ADGRE3: variants seen among roughly 807,000 people sequenced by gnomAD.
The protein encoded by ADGRE3 is EGF-like module receptor 3.
A neutral mutation model predicts 80.1 loss-of-function variants in ADGRE3; 88 were observed. The observed-to-expected ratio is 1.10, with a 90% confidence interval of 0.93 to 1.31. ADGRE3 has a LOEUF of 1.31. Ranked by LOEUF, ADGRE3 falls within the 40% of genes most tolerant of loss-of-function variation. The pLI, the probability that ADGRE3 is intolerant of heterozygous loss-of-function variation, is 0.00. For synonymous variants in ADGRE3, 281 were observed against 294.8 expected (o/e 0.95, Z 0.48); for missense variants, 715 against 776.5 (o/e 0.92, Z 0.94).
At chr19:14,669,249 A>G (rs990862690) in intron 1 of ADGRE3, among the ~76,000 whole-genome samples, 3 of 152,222 alleles carry the variant, frequency 2.0e-5, no homozygotes, top group African/African-American at 7.2e-5. Flanking sequence ...GAATGAAATC[A>G]TGCCCTTAGC....
intron 8 of ADGRE3, among the ~76,000 whole-genome samples, chr19:14,646,337 A>G (rs1384249861): frequency 1.3e-5 from 2 of 152,084 alleles, no homozygotes; most frequent in Non-Finnish European, 2.9e-5. Context: ...TGGCCACTTG[A>G]TCACTTGACC....
At chr19:14,656,015 G>T (rs995382643) in intron 5 of ADGRE3, among the ~76,000 whole-genome samples, 2 of 151,944 alleles carry the variant, frequency 1.3e-5, no homozygotes, top group African/African-American at 4.8e-5. Flanking sequence ...CACACACGAG[G>T]AGTGAGTTTA....
chr19:14,658,225 G>A (rs1971829781), intron 5 of ADGRE3, among the ~76,000 whole-genome samples: 1 of 151,424 alleles, frequency 6.6e-6, no homozygotes, highest in African/African-American at 2.4e-5. Flanking sequence ...TGGTATATCT[G>A]TATCTATCTA....
At chr19:14,608,800 AT>A in the ADGRE3 span, among the ~76,000 whole-genome samples, 358 of 131,326 alleles carry the variant, frequency 2.7e-3, no homozygotes, top group Admixed American at 4.3e-3. Context: ...TGCCTGGCTA[AT>A]TTTTTTTTTT....
At chr19:14,671,309 T>C (rs1170236403) in intron 1 of ADGRE3, among the ~76,000 whole-genome samples, 1 of 152,312 alleles carries the variant, frequency 6.6e-6, no homozygotes, top group Admixed American at 6.5e-5. Flanking sequence ...CTGGTTTCTT[T>C]TGGAAGCTCT....
chr19:14,633,843 C>T (rs1970959679), intron 11 of ADGRE3, among the ~76,000 whole-genome samples: 1 of 133,664 alleles, frequency 7.5e-6, no homozygotes, highest in Non-Finnish European at 1.5e-5. Context: ...GTGGTGCGAT[C>T]TCAGCTCACT....
chr19:14,644,019 G>GTTT (rs61276204), intron 9 of ADGRE3, 89 bp downstream of exon 9: 145 of 673,360 alleles, frequency 2.2e-4, no homozygotes, highest in Middle Eastern at 9.8e-4. Context: ...CCTTTTTTCA[G>GTTT]TTTTTTTTTT....
intron 2 of ADGRE3, among the ~76,000 whole-genome samples, chr19:14,667,447 C>T (rs912458531): frequency 1.3e-5 from 2 of 151,856 alleles, no homozygotes; most frequent in Admixed American, 1.3e-4. Flanking sequence ...ACCCAAATGT[C>T]CATCAGTGAT....
intron 2 of ADGRE3, 72 bp from the exon 3 acceptor site, chr19:14,663,612 C>G (rs1177852403): frequency 1.3e-6 from 2 of 1,511,728 alleles, no homozygotes; most frequent in Non-Finnish European, 1.8e-6. Context: ...GGCCCTGCCT[C>G]TTGATCACCT....
At chr19:14,635,199 C>T (rs1451220314) in intron 11 of ADGRE3, among the ~76,000 whole-genome samples, 1 of 152,080 alleles carries the variant, frequency 6.6e-6, no homozygotes, top group Non-Finnish European at 1.5e-5. Context: ...TGTGCTCAGG[C>T]GATCCTCCCG....
chr19:14,622,004 C>T lies in ADGRE3; in HGVS notation c.1921-2533G>A. On this transcript the variant is annotated intron_variant, in intron 15 of 15. Transcript: ENST00000253673. ...GACCGGCTGGGGTAATTTGTCCCGACTTTCTACCTTGGTAATGTTAAAATA... is the reference window on the plus strand; with the variant it reads ...GACCGGCTGGGGTAATTTGTCCCGATTTTCTACCTTGGTAATGTTAAAATA... 1.9e-6 allele frequency: 2 copies of T among 1,032,232 alleles called. 1 individual carries two copies. The highest frequency in any genetic ancestry group is 5.2e-5 in the East Asian group (2 of 38,128). 63.9% of individuals were successfully genotyped at this position (1,032,232 alleles called of 1,614,324 possible). A position where few individuals can be genotyped will look rare whatever the true frequency, so the allele number is the denominator to read the frequency against.
At chr19:14,609,299 G>T in the ADGRE3 span, among the ~76,000 whole-genome samples, 1 of 152,078 alleles carries the variant, frequency 6.6e-6, no homozygotes. Flanking sequence ...TCTCTGTTGG[G>T]GTCAGGCTGA....
chr19:14,668,729 C>T (rs1317808730), intron 2 of ADGRE3, 73 bp downstream of exon 2: 2 of 1,266,218 alleles, frequency 1.6e-6, no homozygotes, highest in Non-Finnish European at 2.3e-6. Context: ...TTCTCCAGCC[C>T]ACTGGAGACC....
rs116324569 is a variant in ADGRE3 at position 14,631,692 on chromosome 19, C to T, written c.1643+1229G>A. 3.3e-3 allele frequency among the ~76,000 whole-genome samples: 506 copies of T among 151,618 alleles called. 2 individuals are homozygous for T. The highest frequency in any genetic ancestry group is 0.012 in the African/African-American group (496 of 41,322). ...ACATGCATATATACATTATATATAT[C>T]CCTAATTATTAAGGATATTACATCA... On this transcript the variant is annotated intron_variant, in intron 13 of 15. Coordinates refer to ENST00000253673, the MANE Select transcript of ADGRE3 (RefSeq NM_032571.5).
chr19:14,643,824 T>C (rs1230997044), intron 9 of ADGRE3, among the ~76,000 whole-genome samples: 1 of 151,816 alleles, frequency 6.6e-6, no homozygotes, highest in Non-Finnish European at 1.5e-5. Context: ...CATCCTCTTG[T>C]CTCAGCCTCC....
chr19:14,663,031 C>T (rs1239911597), intron 3 of ADGRE3, among the ~76,000 whole-genome samples: 1 of 151,710 alleles, frequency 6.6e-6, no homozygotes, highest in East Asian at 1.9e-4. Flanking sequence ...TGATCAGAGT[C>T]TCGATCTGTT....
chr19:14,632,884 G>A lies in ADGRE3; in HGVS notation c.1643+37C>T, dbSNP rs982995988. Reference sequence around the variant, plus strand: ...GGATATGTAGGAAGGACTGGCAGAAGGAAAGGGAATAGGAAGTACCATTTG... The same window carrying A: ...GGATATGTAGGAAGGACTGGCAGAAAGAAAGGGAATAGGAAGTACCATTTG... On this transcript the variant is annotated intron_variant, in intron 13 of 15. Transcript: ENST00000253673. The A allele has an allele frequency of 2.1e-6, 3 of 1,404,224 alleles. No homozygotes were observed. The African/African-American group carries it at 4.2e-5, about 20-fold the overall frequency. 87.0% of individuals were successfully genotyped at this position (1,404,224 alleles called of 1,614,324 possible).
intron 9 of ADGRE3, among the ~76,000 whole-genome samples, chr19:14,642,496 C>T (rs781765386): frequency 1.3e-5 from 2 of 152,106 alleles, no homozygotes; most frequent in Non-Finnish European, 1.5e-5. Flanking sequence ...ACCCCTGTCG[C>T]GGGGGTCTCT....
chr19:14,610,300 A>G, the ADGRE3 span: 1 of 1,467,196 alleles, frequency 6.8e-7, no homozygotes, highest in Non-Finnish European at 9.1e-7. Context: ...GGACACACAG[A>G]TGTGCCTCAA....
Sources: allele counts gnomAD v4.1 joint callset (sites outside exome capture counted in the v4.1 genomes callset), GRCh38; gene constraint gnomAD v4.1.1; transcripts MANE v1.5; gene names NCBI Gene and HGNC (gene_info 2026-07-23, HGNC 2026-07-21).